The following CYP2C19 variants were observed in gnomAD, a reference collection of about 807,000 sequenced individuals.
CYP2C19 encodes cytochrome P450 2C19.
A neutral mutation model predicts 40.9 loss-of-function variants in CYP2C19; 59 were observed. The ratio of observed to expected loss-of-function variants is 1.44; its 90% CI spans 1.17 to 1.79. The LOEUF (loss-of-function observed/expected upper bound fraction) is 1.79, where lower values mean the gene tolerates loss of function less well. CYP2C19 is among the 40% of genes most tolerant of loss of function. The pLI, the probability that CYP2C19 is intolerant of heterozygous loss-of-function variation, is 0.00. For synonymous variants in CYP2C19, 253 were observed against 208.7 expected, an observed-to-expected ratio of 1.21 and a Z score of -1.83; for missense variants, 754 against 596.9, an observed-to-expected ratio of 1.26 and a Z score of -2.74.
At chr10:94,795,447 A>T (rs1200162718) in intron 5 of CYP2C19, among the ~76,000 whole-genome samples, 1 of 152,106 alleles carries the variant, frequency 6.6e-6, no homozygotes, top group Non-Finnish European at 1.5e-5. Flanking sequence ...TATTGTGAAT[A>T]GTGCCGCAAT....
At chr10:94,829,446 T>A (rs894899530) in intron 6 of CYP2C19, among the ~76,000 whole-genome samples, 3 of 152,240 alleles carry the variant, frequency 2.0e-5, no homozygotes, top group Non-Finnish European at 4.4e-5. Flanking sequence ...GTTGATCGCA[T>A]TGGCTCCTGA....
chr10:94,807,604 C>G (rs1185362343), intron 5 of CYP2C19, among the ~76,000 whole-genome samples: 1 of 152,054 alleles, frequency 6.6e-6, no homozygotes, highest in Non-Finnish European at 1.5e-5. Flanking sequence ...GAGCTGATAT[C>G]TCATTGTGGC....
In CYP2C19 at chr10:94,842,424, T is replaced by C. The variant is rs116265220; in HGVS notation, c.962-413T>C. ...TTTTTTTTTTTTTTTAGGCAACAGA[T>C]TAATAGGTCTTGTTTCTTCATCTAG... is the stretch of plus-strand genomic sequence containing the variant. On this transcript the variant is annotated intron_variant, in intron 6 of 8. Transcript: ENST00000371321. 3.4e-3 allele frequency among the ~76,000 whole-genome samples: 509 copies of C among 148,180 alleles called. 2 individuals are homozygous for C. The highest frequency in any genetic ancestry group is 0.012 in the African/African-American group (490 of 39,846).
Position 94,849,975 on chromosome 10 carries a change from A to T in CYP2C19, c.1208A>T (p.Asn403Ile), listed in dbSNP as rs1463550071. 6.2e-7 allele frequency: 1 copy of T among 1,613,716 alleles called. No individual in the cohort carries two copies. Among genetic ancestry groups the T allele is most frequent in the East Asian group, 2.2e-5 (1 of 44,832 alleles). The part of the protein sequence containing the change: ...SVLHDNKEFP[N>I]PEMFDPRHFL... ...CTACATGACAACAAAGAATTTCCCAACCCAGAGATGTTTGACCCTCGTCAC... is the reference window on the plus strand; with the variant it reads ...CTACATGACAACAAAGAATTTCCCATCCCAGAGATGTTTGACCCTCGTCAC... The change falls in exon 8 of 9, where the codon AAC (asparagine) becomes ATC (isoleucine). Residue 403 changes from asparagine to isoleucine, a missense_variant. Coordinates refer to ENST00000371321, the MANE Select transcript of CYP2C19 (RefSeq NM_000769.4).
chr10:94,848,252 G>A lies in CYP2C19; in HGVS notation c.1150-1665G>A, dbSNP rs185657498. The stretch of plus-strand genomic sequence containing the variant: ...TTTGATCCATCTTGAATTAATTTTT[G>A]TATAAGGTGTAAAGAAGGGATCCAG... On this transcript the variant is annotated intron_variant, in intron 7 of 8. Coordinates refer to ENST00000371321, the MANE Select transcript of CYP2C19 (RefSeq NM_000769.4). 1.6e-3 allele frequency among the ~76,000 whole-genome samples: 240 copies of A among 152,254 alleles called. 1 individual carries two copies. Among genetic ancestry groups the A allele is most frequent in the Non-Finnish European group, 2.7e-3 (187 of 68,008 alleles).
chr10:94,832,623 G>A (rs1254178660), intron 6 of CYP2C19, among the ~76,000 whole-genome samples: 2 of 152,218 alleles, frequency 1.3e-5, no homozygotes, highest in East Asian at 1.9e-4. Flanking sequence ...TGGTCTATGT[G>A]TCTGTTTTTA....
intron 5 of CYP2C19, among the ~76,000 whole-genome samples, chr10:94,806,614 T>A (rs1848839766): frequency 1.3e-5 from 2 of 148,354 alleles, no homozygotes; most frequent in South Asian, 4.2e-4. Context: ...ATTATTTATT[T>A]ATTAATAATT....
intron 7 of CYP2C19, among the ~76,000 whole-genome samples, chr10:94,848,608 G>A (rs1042665453): frequency 1.1e-4 from 16 of 152,250 alleles, no homozygotes; most frequent in African/African-American, 3.9e-4. Flanking sequence ...TTCCAATTCT[G>A]TGAAGAAAGT....
At chr10:94,836,202 A>G (rs1849400912) in intron 6 of CYP2C19, among the ~76,000 whole-genome samples, 2 of 152,186 alleles carry the variant, frequency 1.3e-5, no homozygotes, top group African/African-American at 4.8e-5. Context: ...CATTCACATC[A>G]TGGATGCCCA....
At position 94,775,160 on chromosome 10, in the gene CYP2C19, G is replaced by C. The variant is rs118203756; in HGVS notation, c.271G>C (p.Gly91Arg). The C allele has an allele frequency of 6.2e-6, 10 of 1,614,106 alleles. No homozygotes were observed. The East Asian group carries it at 2.0e-4, about 32-fold the overall frequency. The change falls in exon 2 of 9, where the codon GGA becomes CGA. Residue 91 changes from glycine to arginine, a missense_variant. Transcript: ENST00000371321. ...EVVKEALIDL[G>R]EEFSGRGHFP... is the part of the protein sequence containing the mutation. ...GGTGAAGGAAGCCCTGATTGATCTT[G>C]GAGAGGAGTTTTCTGGAAGAGGCCA...
At chr10:94,816,683 T>A (rs917850011) in intron 5 of CYP2C19, among the ~76,000 whole-genome samples, 1 of 149,116 alleles carries the variant, frequency 6.7e-6, no homozygotes, top group Non-Finnish European at 1.5e-5. Context: ...ACCCACTAAC[T>A]CGTCATCTAG....
intron 5 of CYP2C19, among the ~76,000 whole-genome samples, chr10:94,790,810 G>T (rs763444289): frequency 1.7e-4 from 26 of 152,070 alleles, no homozygotes; most frequent in Non-Finnish European, 3.4e-4. Context: ...TGTTCATCAG[G>T]GATATTGGTC....
chr10:94,770,791 CCTT>C (rs1166905865), intron 1 of CYP2C19, among the ~76,000 whole-genome samples: 24 of 152,082 alleles, frequency 1.6e-4, no homozygotes, highest in Non-Finnish European at 2.9e-4. Context: ...TCTCCTTACT[CCTT>C]CTAGAACACT....
intron 6 of CYP2C19, among the ~76,000 whole-genome samples, chr10:94,822,923 T>G (rs1367406569): frequency 1.3e-5 from 2 of 152,112 alleles, no homozygotes; most frequent in African/African-American, 4.8e-5. Flanking sequence ...TCTAATTTTT[T>G]TTTTGTTTTT....
intron 5 of CYP2C19, among the ~76,000 whole-genome samples, chr10:94,799,905 C>T (rs969505937): frequency 6.6e-6 from 1 of 152,094 alleles, no homozygotes; most frequent in Non-Finnish European, 1.5e-5. Context: ...ATTCATCTAA[C>T]CTTTTTTTCA....
rs541773622 is a variant in CYP2C19 at position 94,763,837 on chromosome 10, G to A, written c.168+964G>A. ...TCGCTGACTTCAAGAATGAAGCCAC[G>A]GACCCTCGTGGTGAGTGCTACAGTT... On this transcript the variant is annotated intron_variant, in intron 1 of 8. Coordinates refer to ENST00000371321, the MANE Select transcript of CYP2C19 (RefSeq NM_000769.4). 7.2e-5 allele frequency among the ~76,000 whole-genome samples: 11 copies of A among 152,116 alleles called. No homozygotes were observed. The South Asian group carries it at 1.5e-3, about 20-fold the overall frequency.
intron 6 of CYP2C19, among the ~76,000 whole-genome samples, chr10:94,830,037 G>A (rs935408700): frequency 1.3e-5 from 2 of 152,192 alleles, no homozygotes; most frequent in Non-Finnish European, 2.9e-5. Flanking sequence ...TGCATGCTGG[G>A]AGAACCACTG....
chr10:94,776,537 G>C (rs1192335413), intron 3 of CYP2C19: 3 of 152,130 alleles, frequency 2.0e-5, no homozygotes, highest in Admixed American at 2.0e-4. Flanking sequence ...ACACTCAACA[G>C]ACTTCCAGCT....
chr10:94,780,783 C>A, intron 4 of CYP2C19, 124 bp downstream of exon 4: 2 of 1,045,788 alleles, frequency 1.9e-6, no homozygotes, highest in Non-Finnish European at 1.4e-6. Flanking sequence ...CCTAGACAGC[C>A]ATGGGGTGAA....
Sources: allele counts gnomAD v4.1 joint callset (sites outside exome capture counted in the v4.1 genomes callset), GRCh38; gene constraint gnomAD v4.1.1; transcripts MANE v1.5; gene names NCBI Gene and HGNC (gene_info 2026-07-23, HGNC 2026-07-21).